SLC24A3: variants seen among roughly 807,000 people sequenced by gnomAD.
SLC24A3 encodes the protein solute carrier family 24 member 3.
Under a neutral mutation model 75.8 loss-of-function variants are expected in SLC24A3, and 28 were observed. The ratio of observed to expected loss-of-function variants is 0.37; its 90% CI spans 0.27 to 0.51. SLC24A3 has a LOEUF of 0.51. SLC24A3 is among the 20% of genes least tolerant of loss of function. The probability of loss-of-function intolerance (pLI) is 0.94; values close to 1 mark genes in which losing one functional copy is unlikely to be tolerated. For synonymous variants in SLC24A3, 372 were observed against 334.1 expected (o/e 1.11, Z -1.24); for missense variants, 663 against 847.8 (o/e 0.78, Z 2.71).
At chr20:19,440,236 A>G (rs573776712) in intron 2 of SLC24A3, among the ~76,000 whole-genome samples, 1 of 152,224 alleles carries the variant, frequency 6.6e-6, no homozygotes, top group Non-Finnish European at 1.5e-5. Flanking sequence ...TGATCATGCT[A>G]GTCCTATCTG....
rs780282593 is a variant in SLC24A3, at chr20:19,681,933, C to G, written c.843C>G (p.Asn281Lys). The part of the protein sequence containing the change: ...GAGNMVNGLA[N>K]NAEIDDSSNC... The stretch of plus-strand genomic sequence containing the variant: ...GGAACATGGTCAACGGATTGGCCAA[C>G]AATGCTGAAATTGATGACAGCAGCA... Residue 281 changes from asparagine (N) to lysine (K), a missense_variant, in exon 10 of 17, where the codon AAC (asparagine) becomes AAG (lysine). By Grantham distance (94) the Asn-to-Lys change is moderately conservative. Around this residue, in one of 2 missense-constraint regions of SLC24A3, gnomAD observed 510 missense variants for 703.6 expected, o/e 0.72. Transcript: ENST00000328041. The G allele has an allele frequency of 1.2e-6, 2 of 1,614,046 alleles. No homozygotes were observed. Among genetic ancestry groups the G allele is most frequent in the Non-Finnish European group, 1.7e-6 (2 of 1,180,042 alleles).
At chr20:19,428,081 C>G (rs1470375937) in intron 2 of SLC24A3, among the ~76,000 whole-genome samples, 1 of 152,188 alleles carries the variant, frequency 6.6e-6, no homozygotes, top group African/African-American at 2.4e-5. Context: ...TCAGTGCAGT[C>G]TTTTGAAAAT....
intron 2 of SLC24A3, among the ~76,000 whole-genome samples, chr20:19,314,852 G>C (rs569676382): frequency 6.6e-6 from 1 of 152,224 alleles, no homozygotes; most frequent in Non-Finnish European, 1.5e-5. Context: ...ATGAGTTACC[G>C]ACTGTGGGCA....
At chr20:19,252,301 C>T (rs1033081551) in intron 1 of SLC24A3, among the ~76,000 whole-genome samples, 1 of 152,164 alleles carries the variant, frequency 6.6e-6, no homozygotes, top group Non-Finnish European at 1.5e-5. Context: ...GCCAGTCTTT[C>T]AACAGCAGAA....
intron 2 of SLC24A3, among the ~76,000 whole-genome samples, chr20:19,398,990 A>G (rs1986504406): frequency 6.6e-6 from 1 of 152,150 alleles, no homozygotes; most frequent in South Asian, 2.1e-4. Flanking sequence ...TTAGTAGATG[A>G]GGGCTATTCA....
At chr20:19,371,210 G>A (rs766888011) in intron 2 of SLC24A3, among the ~76,000 whole-genome samples, 2 of 152,162 alleles carry the variant, frequency 1.3e-5, no homozygotes, top group Non-Finnish European at 2.9e-5. Context: ...AGGGGAGGGA[G>A]CAGGGTACAT....
chr20:19,566,569 C>T (rs2328411), intron 3 of SLC24A3, among the ~76,000 whole-genome samples: 105,744 of 152,182 alleles, frequency 0.69, 38,060 homozygotes, highest in South Asian at 0.84. Context: ...TGTTCTTGTA[C>T]GAACCAAATG....
intron 1 of SLC24A3, among the ~76,000 whole-genome samples, chr20:19,279,021 G>C (rs1309663812): frequency 6.6e-6 from 1 of 152,204 alleles, no homozygotes; most frequent in Non-Finnish European, 1.5e-5. Flanking sequence ...TACCTACTGA[G>C]TACCTACCCT....
chr20:19,537,916 T>G (rs2030428622), intron 3 of SLC24A3, among the ~76,000 whole-genome samples: 1 of 150,204 alleles, frequency 6.7e-6, no homozygotes, highest in Admixed American at 6.6e-5. Context: ...TTAGGAGATA[T>G]ACCTAATGCT....
rs140368283 is a variant in SLC24A3 at position 19,588,800 on chromosome 20, G to A, written c.612+3256G>A. The stretch of plus-strand genomic sequence containing the variant: ...ATGTACTTGTGAATTTCGATCTGCC[G>A]TTCAGAGCATGTTAAGATTTAAATG... On this transcript the variant is annotated intron_variant, in intron 6 of 16. Coordinates refer to ENST00000328041, the MANE Select transcript of SLC24A3 (RefSeq NM_020689.4). 5.3e-5 allele frequency among the ~76,000 whole-genome samples: 8 copies of A among 152,292 alleles called. No individual in the cohort carries two copies. In the East Asian group the frequency reaches 5.8e-4, roughly 11 times the overall value.
At chr20:19,222,817 G>A (rs8121684) in intron 1 of SLC24A3, among the ~76,000 whole-genome samples, 1,190 of 49,188 alleles carry the variant, frequency 0.024, 18 homozygotes, top group African/African-American at 0.087. Context: ...TCCTTCCTTC[G>A]TTCCTTCCTT....
intron 15 of SLC24A3, among the ~76,000 whole-genome samples, chr20:19,713,535 T>C (rs1053555672): frequency 8.5e-5 from 13 of 152,206 alleles, no homozygotes; most frequent in Admixed American, 2.0e-4. Context: ...TGGACATGCC[T>C]TATTCATTCA....
chr20:19,333,622 AG>A (rs1985050980), intron 2 of SLC24A3, among the ~76,000 whole-genome samples: 1 of 149,662 alleles, frequency 6.7e-6, no homozygotes, highest in South Asian at 2.1e-4. Flanking sequence ...CAGTCTTGCT[AG>A]TGTGTGTGTG....
chr20:19,219,983 G>A (rs1287114651), intron 1 of SLC24A3, among the ~76,000 whole-genome samples: 1 of 152,208 alleles, frequency 6.6e-6, no homozygotes, highest in African/African-American at 2.4e-5. Context: ...CAATTGACAT[G>A]TAGAAAGGGA....
chr20:19,327,967 G>T (rs1348618943), intron 2 of SLC24A3, among the ~76,000 whole-genome samples: 2 of 152,114 alleles, frequency 1.3e-5, no homozygotes, highest in Non-Finnish European at 2.9e-5. Context: ...TGTAAAGTAT[G>T]CTCGAAAGTG....
At chr20:19,315,748 G>A (rs1600425119) in intron 2 of SLC24A3, among the ~76,000 whole-genome samples, 4 of 152,178 alleles carry the variant, frequency 2.6e-5, no homozygotes, top group South Asian at 2.1e-4. Context: ...TTACAGCACT[G>A]TAACCAGAGT....
intron 2 of SLC24A3, among the ~76,000 whole-genome samples, chr20:19,452,888 A>G (rs1179354732): frequency 3.3e-5 from 5 of 152,028 alleles, no homozygotes; most frequent in African/African-American, 1.2e-4. Context: ...AAAAATAAAA[A>G]TATTAGCCAC....
At chr20:19,720,890 TAGTC>T (rs1198651750) in intron 16 of SLC24A3, 97 bp from the exon 17 acceptor site, 16 of 1,384,766 alleles carry the variant, frequency 1.2e-5, no homozygotes, top group South Asian at 2.8e-5. Context: ...CCGAGGCCCA[TAGTC>T]AGCAGCCCTT....
At chr20:19,700,820 C>G (rs1214255051) in intron 15 of SLC24A3, among the ~76,000 whole-genome samples, 1 of 152,168 alleles carries the variant, frequency 6.6e-6, no homozygotes, top group African/African-American at 2.4e-5. Flanking sequence ...TGCTGCTGCT[C>G]TTGGACACTT....
Sources: allele counts gnomAD v4.1 joint callset (sites outside exome capture counted in the v4.1 genomes callset), GRCh38; gene constraint gnomAD v4.1.1; regional missense constraint gnomAD v4.1.1; transcripts MANE v1.5; gene names NCBI Gene and HGNC (gene_info 2026-07-23, HGNC 2026-07-21).